The following ZNF44 variants were observed in gnomAD, a reference collection of about 807,000 sequenced individuals.
ZNF44 encodes gonadotropin inducible transcription repressor-2.
In ZNF44, 9 loss-of-function variants were observed where a neutral mutation model predicts 11.7. That is an observed-to-expected ratio of 0.77 (90% CI 0.46 to 1.35). ZNF44 has a LOEUF of 1.35. ZNF44 is among the 40% of genes most tolerant of loss of function. The pLI is 0.00. For missense variants in ZNF44, 696 were observed against 743.1 expected (o/e 0.94, Z 0.74); for synonymous variants, 224 against 242.7 (o/e 0.92, Z 0.72).
intron 7 of ZNF44, chr19:12,249,917 T>C: frequency 9.0e-7 from 1 of 1,108,074 alleles, no homozygotes; most frequent in African/African-American, 1.6e-5. Flanking sequence ...AATTATCAAA[T>C]TTAATGACAT....
chr19:12,257,475 C>T (rs970322212), intron 5 of ZNF44, among the ~76,000 whole-genome samples: 1 of 151,758 alleles, frequency 6.6e-6, no homozygotes, highest in Non-Finnish European at 1.5e-5. Flanking sequence ...CATGGTGAAA[C>T]CCCGTCTTTA....
intron 1 of ZNF44, chr19:12,284,880 G>A (rs564744360): frequency 3.2e-5 from 24 of 758,438 alleles, no homozygotes; most frequent in Non-Finnish European, 5.2e-5. Context: ...CTCTGTGCTG[G>A]TGCGCCTCAT....
At chr19:12,246,260 C>G (rs1414317346), downstream of ZNF44, among the ~76,000 whole-genome samples, 1 of 152,204 alleles carries the variant, frequency 6.6e-6, no homozygotes, top group East Asian at 1.9e-4. Flanking sequence ...TTGTGTTGTC[C>G]TATCACAGAT....
At chr19:12,231,275 A>G (rs1345904094) in intron 2 of ZNF44, among the ~76,000 whole-genome samples, 5 of 152,094 alleles carry the variant, frequency 3.3e-5, no homozygotes, top group Non-Finnish European at 5.9e-5. Flanking sequence ...GACTACTAGG[A>G]CACTGATCAA....
Position 12,273,268 on chromosome 19 carries a change from T to C in ZNF44, c.987A>G (p.Ile329Met), listed in dbSNP as rs1290542542. The C allele has an allele frequency of 1.2e-6, 2 of 1,614,040 alleles. No individual in the cohort carries two copies. Among genetic ancestry groups the C allele is most frequent in the Admixed American group, 3.3e-5 (2 of 60,020 alleles). ...TATGAGGTCCATCTCCACTGTGCAT[T>C]ATCATGTGTCTTTGAAAGCTTCCAA... ...CHLGSFQRHM[I>M]MHSGDGPHKC... The change falls in exon 4 of 4, where the codon ATA (isoleucine) becomes ATG (methionine). Residue 329 changes from isoleucine (I) to methionine (M), a missense_variant. Coordinates refer to ENST00000355684, the MANE Select transcript of ZNF44 (RefSeq NM_016264.4).
upstream of ZNF44, among the ~76,000 whole-genome samples, chr19:12,242,262 C>A (rs1420302927): frequency 6.6e-6 from 1 of 152,102 alleles, no homozygotes; most frequent in Non-Finnish European, 1.5e-5. Context: ...AATCCCAGCA[C>A]TTTGGGAGGC....
downstream of ZNF44, among the ~76,000 whole-genome samples, chr19:12,268,742 T>C (rs1015834769): frequency 4.3e-5 from 4 of 94,062 alleles, no homozygotes; most frequent in South Asian, 2.7e-4. Flanking sequence ...CCTGGCTAAT[T>C]TTTTTTTTTT....
In ZNF44 at chr19:12,287,774, T is replaced by C. The variant is rs74928610; in HGVS notation, c.3+6918A>G. Among the ~76,000 whole-genome samples, 419 of 152,296 alleles carry C rather than the reference T, an allele frequency of 2.8e-3. 4 individuals are homozygous for C. Among genetic ancestry groups the C allele is most frequent in the African/African-American group, 9.6e-3 (400 of 41,576 alleles). On this transcript the variant is annotated intron_variant, in intron 1 of 3. Coordinates refer to ENST00000355684, the MANE Select transcript of ZNF44 (RefSeq NM_016264.4). ...GAATAGTCTGCAATAAACACATGAGTGCAGGGAACTTTTTGATGTAATGAT... is the reference window on the plus strand; with the variant it reads ...GAATAGTCTGCAATAAACACATGAGCGCAGGGAACTTTTTGATGTAATGAT...
intron 5 of ZNF44, chr19:12,250,764 A>G: frequency 2.2e-6 from 1 of 456,358 alleles, no homozygotes; most frequent in South Asian, 1.5e-5. Context: ...GATGAATAAA[A>G]GCACACTGAA....
chr19:12,242,602 C>T (rs1026265913), intron 6 of ZNF44: 3 of 150,634 alleles, frequency 2.0e-5, no homozygotes, highest in African/African-American at 7.4e-5. Context: ...GCAGGAAGAT[C>T]CCTTGAGCCC....
rs142182186 is a variant in ZNF44, at chr19:12,292,056, C to T, written c.3+2636G>A. 3.5e-3 allele frequency among the ~76,000 whole-genome samples: 532 copies of T among 151,566 alleles called. 2 individuals are homozygous for T. The highest frequency in any genetic ancestry group is 5.8e-3 in the Non-Finnish European group (393 of 67,906). On this transcript the variant is annotated intron_variant, in intron 1 of 3. Coordinates refer to ENST00000355684, the MANE Select transcript of ZNF44 (RefSeq NM_016264.4). The stretch of plus-strand genomic sequence containing the variant: ...TAAAAAATGGAATAGGGCCTGGGTC[C>T]AGTGGCTCATGCCTGTAATCCCAGC...
At chr19:12,277,659 T>C (rs1476122145) in intron 1 of ZNF44, among the ~76,000 whole-genome samples, 1 of 152,162 alleles carries the variant, frequency 6.6e-6, no homozygotes, top group Non-Finnish European at 1.5e-5. Flanking sequence ...AGAAAAGCCT[T>C]GTATTGTTTT....
chr19:12,294,677 G>A lies in ZNF44; in HGVS notation c.3+15C>T. 3.2e-6 allele frequency: 5 copies of A among 1,560,056 alleles called. No homozygotes were observed. Among genetic ancestry groups the A allele is most frequent in the Non-Finnish European group, 3.5e-6 (4 of 1,153,198 alleles). On this transcript the variant is annotated intron_variant, in intron 1 of 3. Coordinates refer to ENST00000355684, the MANE Select transcript of ZNF44 (RefSeq NM_016264.4). ...CCTTCGCCCTGCCTCAGGACGCCGG[G>A]CCCCGCACACTCACCATTTCCCGGC...
chr19:12,280,692 A>G (rs1012027905), intron 1 of ZNF44, among the ~76,000 whole-genome samples: 2 of 152,296 alleles, frequency 1.3e-5, no homozygotes, highest in Admixed American at 6.5e-5. Context: ...CAAGGCCCCA[A>G]ACTATATTTT....
chr19:12,288,304 A>C (rs1315681086), intron 1 of ZNF44, among the ~76,000 whole-genome samples: 1 of 152,248 alleles, frequency 6.6e-6, no homozygotes, highest in African/African-American at 2.4e-5. Flanking sequence ...GTATATGTCA[A>C]GAATACCTAA....
chr19:12,292,797 G>A (rs566772030), intron 1 of ZNF44, among the ~76,000 whole-genome samples: 16 of 150,768 alleles, frequency 1.1e-4, no homozygotes, highest in South Asian at 4.2e-4. Context: ...TAAGCCATGC[G>A]TCACCAAGGA....
downstream of ZNF44, among the ~76,000 whole-genome samples, chr19:12,267,279 A>T (rs1339514309): frequency 6.6e-6 from 1 of 151,918 alleles, no homozygotes; most frequent in Non-Finnish European, 1.5e-5. Context: ...CCTGACCTCA[A>T]ATGATCCACC....
intron 7 of ZNF44, among the ~76,000 whole-genome samples, chr19:12,249,561 A>C (rs957091552): frequency 5.3e-5 from 8 of 149,900 alleles, no homozygotes; most frequent in Non-Finnish European, 1.2e-4. Flanking sequence ...TTATTTATTT[A>C]TTTTTCCCGA....
rs749143102 is a variant in ZNF44 at position 12,273,492 on chromosome 19, A to G, written c.763T>C (p.Cys255Arg). The G allele has an allele frequency of 1.9e-6, 3 of 1,614,028 alleles. No individual in the cohort carries two copies. The highest frequency in any genetic ancestry group is 2.7e-5 in the African/African-American group (2 of 74,924). Residue 255 changes from cysteine to arginine, a missense_variant, in exon 4 of 4, where the codon TGT becomes CGT. By Grantham distance (180) the Cys-to-Arg change is radical (BLOSUM62 -3). Coordinates refer to ENST00000355684, the MANE Select transcript of ZNF44 (RefSeq NM_016264.4). ...KIHTGEKPYECKQCSKAFPDY... is the reference protein window; with the variant it reads ...KIHTGEKPYERKQCSKAFPDY... ...GGGAAGGCTTTAGAACACTGCTTAC[A>G]TTCATACGGTTTCTCCCCAGTGTGT...
Sources: gnomAD v4.1 joint callset for allele counts (sites outside exome capture counted in the v4.1 genomes callset) on GRCh38, gnomAD v4.1.1 for gene constraint, MANE v1.5 for transcripts, NCBI Gene and HGNC (gene_info 2026-07-23, HGNC 2026-07-21) for gene names.